CCDC169: variants seen among roughly 807,000 people sequenced by gnomAD.
The protein encoded by CCDC169 is coiled-coil domain containing 169.
Under a neutral mutation model 36.0 loss-of-function variants are expected in CCDC169, and 30 were observed. The ratio of observed to expected loss-of-function variants is 0.83; its 90% CI spans 0.62 to 1.13. The LOEUF is 1.13. Among genes scored for constraint, CCDC169 ranks in the 50% most tolerant of loss-of-function variants. CCDC169 has a pLI of 0.00. For missense variants in CCDC169, 245 were observed against 245.9 expected, an observed-to-expected ratio of 1.00 and a Z score of 0.03; for synonymous variants, 85 against 81.5, an observed-to-expected ratio of 1.04 and a Z score of -0.23.
chr13:36,279,922 ATT>A (rs1033969764), intron 4 of CCDC169: 3 of 152,318 alleles, frequency 2.0e-5, no homozygotes, highest in Admixed American at 2.0e-4. Context: ...ATATAAAGAT[ATT>A]CACTGTGGCA....
intron 7 of CCDC169, among the ~76,000 whole-genome samples, chr13:36,243,909 C>T (rs1872172544): frequency 6.6e-6 from 1 of 152,180 alleles, no homozygotes; most frequent in East Asian, 1.9e-4. Flanking sequence ...AATGGAAAAC[C>T]AAACTGCCCT....
At chr13:36,230,386 T>C (rs1870286342), downstream of CCDC169, among the ~76,000 whole-genome samples, 1 of 152,198 alleles carries the variant, frequency 6.6e-6, no homozygotes, top group Admixed American at 6.5e-5. Context: ...ATTTTATAAA[T>C]GCCTCAAAAG....
rs528366477 is a variant in CCDC169 at position 36,286,506 on chromosome 13, T to C, written c.164-2804A>G. Among the ~76,000 whole-genome samples the C allele has an allele frequency of 1.1e-3, 173 of 152,156 alleles. 1 individual carries two copies. The highest frequency in any genetic ancestry group is 3.8e-3 in the African/African-American group (156 of 41,510). The stretch of plus-strand genomic sequence containing the variant: ...CTGGGGGAGCCATTTGAAACTGAAA[T>C]GAGGGATTTCGGAGTCTACACAGCC... On this transcript the variant is annotated intron_variant, in intron 2 of 7. Transcript: ENST00000239859.
chr13:36,285,626 G>GATAGATAC lies in CCDC169; in HGVS notation c.164-1925_164-1924insGTATCTAT, dbSNP rs1275416095. Among the ~76,000 whole-genome samples, 8 of 135,712 alleles carry GATAGATAC rather than the reference G, an allele frequency of 5.9e-5. No individual in the cohort carries two copies. The East Asian group carries it at 1.5e-3, about 26-fold the overall frequency. The allele number at this position is 135,712 out of a possible 152,430, so 89.0% of individuals were successfully genotyped here. Reference sequence around the variant, plus strand: ...AGATAGATAGATAGATAGATACATAGATACATAGATACATAGATACATAGA... The same window carrying GATAGATAC: ...AGATAGATAGATAGATAGATACATAGATAGATACATACATAGATACATAGATACATAGA... On this transcript the variant is annotated intron_variant, in intron 2 of 7. Coordinates refer to ENST00000239859, the MANE Select transcript of CCDC169 (RefSeq NM_001144981.3).
chr13:36,250,242 G>C (rs997593198), intron 6 of CCDC169, among the ~76,000 whole-genome samples: 10 of 152,118 alleles, frequency 6.6e-5, no homozygotes, highest in African/African-American at 2.4e-4. Context: ...GTATAAAGCA[G>C]CAGATATATC....
intron 2 of CCDC169, among the ~76,000 whole-genome samples, chr13:36,284,354 T>C (rs980306904): frequency 2.0e-5 from 3 of 152,086 alleles, no homozygotes; most frequent in African/African-American, 7.2e-5. Context: ...ATTTTAGAAA[T>C]GTAGTCACCT....
intron 6 of CCDC169, 109 bp downstream of exon 6, chr13:36,253,694 A>T: frequency 7.5e-7 from 1 of 1,327,896 alleles, no homozygotes; most frequent in Non-Finnish European, 1.0e-6. Context: ...TTAGAAACTT[A>T]ACTCCAAAAT....
intron 4 of CCDC169, among the ~76,000 whole-genome samples, chr13:36,279,157 T>G (rs918159936): frequency 1.3e-5 from 2 of 152,052 alleles, no homozygotes; most frequent in African/African-American, 4.8e-5. Flanking sequence ...CCTAGCTGGT[T>G]TCTCTGATTC....
chr13:36,290,184 G>A (rs1380926826), intron 2 of CCDC169, among the ~76,000 whole-genome samples: 1 of 152,078 alleles, frequency 6.6e-6, no homozygotes, highest in African/African-American at 2.4e-5. Context: ...TTAGATCTGG[G>A]CAAAGATGAC....
intron 4 of CCDC169, among the ~76,000 whole-genome samples, chr13:36,264,428 A>T (rs1875009349): frequency 6.6e-6 from 1 of 152,086 alleles, no homozygotes; most frequent in African/African-American, 2.4e-5. Flanking sequence ...TGAGCAATAA[A>T]TAAAAAAAAA....
intron 6 of CCDC169, among the ~76,000 whole-genome samples, chr13:36,252,143 AT>A (rs1691215256): frequency 6.6e-6 from 1 of 152,202 alleles, no homozygotes; most frequent in African/African-American, 2.4e-5. Context: ...ACCTTGAAGG[AT>A]GTGGAATTGG....
intron 4 of CCDC169, chr13:36,282,363 A>G: frequency 2.0e-6 from 2 of 984,956 alleles, no homozygotes; most frequent in Non-Finnish European, 2.4e-6. Flanking sequence ...TTTTGTCCTT[A>G]GCTAAGAGGG....
At chr13:36,273,064 A>T (rs553706913) in intron 4 of CCDC169, among the ~76,000 whole-genome samples, 2 of 152,288 alleles carry the variant, frequency 1.3e-5, no homozygotes, top group East Asian at 1.9e-4. Context: ...CTCAACTTCT[A>T]TCAAGTCAAT....
At chr13:36,262,549 A>G (rs1455226165) in intron 4 of CCDC169, among the ~76,000 whole-genome samples, 1 of 152,224 alleles carries the variant, frequency 6.6e-6, no homozygotes, top group Non-Finnish European at 1.5e-5. Context: ...CATGCTTCAA[A>G]TATGCTTTTA....
At chr13:36,256,926 C>T (rs1873958704) in intron 4 of CCDC169, among the ~76,000 whole-genome samples, 1 of 152,032 alleles carries the variant, frequency 6.6e-6, no homozygotes, top group Admixed American at 6.5e-5. Flanking sequence ...TACTACTGCC[C>T]ACAGGTGGGC....
At chr13:36,225,687 T>C (rs1869838794), downstream of CCDC169, 1 of 152,010 alleles carries the variant, frequency 6.6e-6, no homozygotes, top group East Asian at 1.9e-4. Flanking sequence ...CCATGAACTA[T>C]GCATCTGACA....
chr13:36,274,828 T>C (rs1408788693), intron 4 of CCDC169, among the ~76,000 whole-genome samples: 55 of 150,430 alleles, frequency 3.7e-4, no homozygotes, highest in African/African-American at 4.9e-5. Context: ...AAAAAGTCCC[T>C]CACCTCTATC....
rs536000170 is a variant in CCDC169 at position 36,271,928 on chromosome 13, C to CA, written c.315+11540dup. Among the ~76,000 whole-genome samples the CA allele has an allele frequency of 1.7e-4, 26 of 151,190 alleles. 1 individual carries two copies. The South Asian group carries it at 5.2e-3, about 30-fold the overall frequency. Reference sequence around the variant, plus strand: ...TGAAACCCTATCTCTACTAAAAATACAAAAAAATTAGCCTGGAGTGGCAGT... The same window carrying CA: ...TGAAACCCTATCTCTACTAAAAATACAAAAAAAATTAGCCTGGAGTGGCAGT... On this transcript the variant is annotated intron_variant, in intron 4 of 7. Coordinates refer to ENST00000239859, the MANE Select transcript of CCDC169 (RefSeq NM_001144981.3).
intron 6 of CCDC169, among the ~76,000 whole-genome samples, chr13:36,253,462 G>A (rs1873430419): frequency 6.7e-6 from 1 of 149,748 alleles, no homozygotes; most frequent in Admixed American, 6.7e-5. Context: ...CCTCACCTCT[G>A]AGTAGCTGGG....
Sources: gnomAD v4.1 joint callset for allele counts (sites outside exome capture counted in the v4.1 genomes callset) on GRCh38, gnomAD v4.1.1 for gene constraint, MANE v1.5 for transcripts, NCBI Gene and HGNC (gene_info 2026-07-23, HGNC 2026-07-21) for gene names.